Variants in TRIM71 observed in about 807,000 individuals in gnomAD.
The protein encoded by TRIM71 is E3 ubiquitin-protein ligase TRIM71.
TRIM71 carries 9 observed loss-of-function variants against 61.2 expected under a neutral mutation model. The observed-to-expected ratio is 0.15, with a 90% confidence interval of 0.09 to 0.26. The LOEUF (loss-of-function observed/expected upper bound fraction) is 0.26. Among genes scored for constraint, TRIM71 ranks in the 10% least tolerant of loss-of-function variants. TRIM71 has a pLI of 1.00. For synonymous variants in TRIM71, 645 were observed against 553.2 expected (o/e 1.17, Z -2.33); for missense variants, 998 against 1,238.7 (o/e 0.81, Z 2.92).
At chr3:32,830,048 C>T (rs189171771) in intron 1 of TRIM71, among the ~76,000 whole-genome samples, 118 of 151,438 alleles carry the variant, frequency 7.8e-4, no homozygotes, top group African/African-American at 2.5e-3. Context: ...CCTGCCTCCC[C>T]GGGTATATGG....
At chr3:32,824,048 C>T (rs554201051) in intron 1 of TRIM71, among the ~76,000 whole-genome samples, 1 of 18,324 alleles carries the variant, frequency 5.5e-5, no homozygotes, top group African/African-American at 9.5e-5. Flanking sequence ...GCACTCCAAC[C>T]TGGGCAACAG....
At chr3:32,831,091 C>A (rs1374006680) in intron 1 of TRIM71, among the ~76,000 whole-genome samples, 1 of 152,104 alleles carries the variant, frequency 6.6e-6, no homozygotes, top group Non-Finnish European at 1.5e-5. Context: ...AGCCACTGTG[C>A]CTGCCTGCAA....
intron 1 of TRIM71, among the ~76,000 whole-genome samples, chr3:32,840,461 A>G (rs959226866): frequency 5.9e-5 from 9 of 152,188 alleles, no homozygotes; most frequent in South Asian, 2.1e-4. Flanking sequence ...CCTATTTCCT[A>G]TAGAGATTGC....
intron 1 of TRIM71, among the ~76,000 whole-genome samples, chr3:32,871,293 A>T (rs1488996363): frequency 6.6e-6 from 1 of 152,156 alleles, no homozygotes; most frequent in African/African-American, 2.4e-5. Flanking sequence ...AGGTAGTTAC[A>T]ATTTGCAAGA....
intron 1 of TRIM71, among the ~76,000 whole-genome samples, chr3:32,867,233 T>C (rs1410844553): frequency 6.6e-6 from 1 of 152,086 alleles, no homozygotes; most frequent in South Asian, 2.1e-4. Context: ...AGCCTGGGAA[T>C]GAATCTTGTT....
chr3:32,835,237 A>G (rs1326401203), intron 1 of TRIM71, among the ~76,000 whole-genome samples: 4 of 152,190 alleles, frequency 2.6e-5, no homozygotes, highest in African/African-American at 7.2e-5. Flanking sequence ...GTGTAACATG[A>G]TGGGGGGAGT....
chr3:32,824,385 G>A (rs999859447), intron 1 of TRIM71, among the ~76,000 whole-genome samples: 7 of 151,040 alleles, frequency 4.6e-5, no homozygotes, highest in African/African-American at 7.3e-5. Flanking sequence ...TAGAGACGGG[G>A]TTTCACCATA....
At chr3:32,832,410 G>A (rs1212835442) in intron 1 of TRIM71, among the ~76,000 whole-genome samples, 3 of 152,214 alleles carry the variant, frequency 2.0e-5, no homozygotes, top group African/African-American at 7.2e-5. Flanking sequence ...CAAGGCTGCA[G>A]TGCGCTATGA....
intron 3 of TRIM71, among the ~76,000 whole-genome samples, chr3:32,887,191 T>C (rs1308283546): frequency 6.6e-6 from 1 of 152,172 alleles, no homozygotes; most frequent in Non-Finnish European, 1.5e-5. Context: ...AAGGCCTTTG[T>C]GTGTGGGGGT....
chr3:32,871,107 G>T lies in TRIM71; in HGVS notation c.853-2711G>T, dbSNP rs150803486. The stretch of plus-strand genomic sequence containing the variant: ...GAAGCTCTTTAGTTTCTGTTGTCAA[G>T]TCTCTATTAGGTAGACTTTCTGGGG... On this transcript the variant is annotated intron_variant, in intron 1 of 3. Coordinates refer to ENST00000383763, the MANE Select transcript of TRIM71 (RefSeq NM_001039111.3). Among the ~76,000 whole-genome samples the T allele has an allele frequency of 4.6e-5, 7 of 152,152 alleles. No homozygotes were observed. The South Asian group carries it at 1.5e-3, about 32-fold the overall frequency.
intron 1 of TRIM71, among the ~76,000 whole-genome samples, chr3:32,824,498 T>G (rs1202945595): frequency 2.0e-5 from 3 of 152,010 alleles, no homozygotes; most frequent in Non-Finnish European, 4.4e-5. Context: ...CGCCTGGCCC[T>G]AGTCCTTTTC....
At chr3:32,846,422 G>T (rs1016195329) in intron 1 of TRIM71, among the ~76,000 whole-genome samples, 1 of 151,980 alleles carries the variant, frequency 6.6e-6, no homozygotes, top group Non-Finnish European at 1.5e-5. Flanking sequence ...ATGTTTAGGG[G>T]GTACAATGTG....
chr3:32,862,570 C>G (rs1032975219), intron 1 of TRIM71, among the ~76,000 whole-genome samples: 3 of 152,258 alleles, frequency 2.0e-5, no homozygotes, highest in Admixed American at 2.0e-4. Flanking sequence ...CAAAGTACCA[C>G]TGACTCTTGT....
At chr3:32,821,374 T>C (rs1367620254) in intron 1 of TRIM71, among the ~76,000 whole-genome samples, 1 of 152,106 alleles carries the variant, frequency 6.6e-6, no homozygotes, top group Non-Finnish European at 1.5e-5. Context: ...TTCCTTATAG[T>C]GACTCAGGCC....
At chr3:32,878,419 G>A (rs1197262735) in intron 2 of TRIM71, among the ~76,000 whole-genome samples, 2 of 152,164 alleles carry the variant, frequency 1.3e-5, no homozygotes, top group African/African-American at 2.4e-5. Flanking sequence ...AGACCAGCCT[G>A]ACTAACACAG....
Position 32,896,389 on chromosome 3 carries a change from T to C in TRIM71, c.*4578T>C, listed in dbSNP as rs1697078138. On this transcript the variant is annotated 3_prime_UTR_variant, in exon 4 of 4. Coordinates refer to ENST00000383763, the MANE Select transcript of TRIM71 (RefSeq NM_001039111.3). ...TGAGCAGTGACTGTTGAAGTGTGTA[T>C]TGCTCTTTTGTTTTGTTTTTATTTT... 1 of 152,218 alleles carries C rather than the reference T, an allele frequency of 6.6e-6. No individual in the cohort carries two copies. The highest frequency in any genetic ancestry group is 1.9e-4 in the East Asian group (1 of 5,198). 9.4% of individuals were successfully genotyped at this position (152,218 alleles called of 1,614,324 possible).
intron 1 of TRIM71, among the ~76,000 whole-genome samples, chr3:32,819,572 C>T (rs566295913): frequency 6.6e-6 from 1 of 151,364 alleles, no homozygotes; most frequent in Admixed American, 6.6e-5. Context: ...CAAGGGCCCC[C>T]AGTCTTAAGC....
At chr3:32,822,652 A>AT (rs11438895) in intron 1 of TRIM71, among the ~76,000 whole-genome samples, 35,058 of 152,132 alleles carry the variant, frequency 0.23, 4,090 homozygotes, top group Middle Eastern at 0.31. Flanking sequence ...ATGCATGCTT[A>AT]TTTTAAATTA....
intron 1 of TRIM71, among the ~76,000 whole-genome samples, chr3:32,871,487 T>G (rs907664804): frequency 6.6e-6 from 1 of 152,188 alleles, no homozygotes; most frequent in East Asian, 1.9e-4. Context: ...GTTTTCACAC[T>G]TCACATCAGC....
Sources: allele counts gnomAD v4.1 joint callset (sites outside exome capture counted in the v4.1 genomes callset), GRCh38; gene constraint gnomAD v4.1.1; transcripts MANE v1.5; gene names NCBI Gene and HGNC (gene_info 2026-07-23, HGNC 2026-07-21).